Variants in VPS13B observed in about 807,000 individuals in gnomAD.
VPS13B encodes the protein intermembrane lipid transfer protein VPS13B.
Under a neutral mutation model 426.4 loss-of-function variants are expected in VPS13B, and 285 were observed. That is an observed-to-expected ratio of 0.67 (90% CI 0.61 to 0.74). The LOEUF is 0.74. Ranked by LOEUF, VPS13B falls within the 30% of genes least tolerant of loss-of-function variation. VPS13B has a pLI of 0.00. For synonymous variants in VPS13B, 1,676 were observed against 1,676.4 expected (o/e 1.00, Z 0.01); for missense variants, 4,537 against 4,782.6 (o/e 0.95, Z 1.51).
At chr8:99,561,050 A>T (rs1484030554) in intron 31 of VPS13B, among the ~76,000 whole-genome samples, 1 of 152,220 alleles carries the variant, frequency 6.6e-6, no homozygotes, top group East Asian at 1.9e-4. Context: ...ACATAACATA[A>T]AATTAACCAT....
chr8:99,861,730 T>A, intron 57 of VPS13B, 46 bp from the exon 58 acceptor site: 2 of 1,563,278 alleles, frequency 1.3e-6, no homozygotes, highest in Non-Finnish European at 1.7e-6. Flanking sequence ...TTGGGGTCCA[T>A]CATGTATGCG....
rs1205695237 is a variant in VPS13B, at chr8:99,821,405, G to T, written c.9106G>T (p.Gly3036Cys). ...TCCAAAGTGGAAAGATGGAGGTAAT[G>T]GTGAAGTTGTGACACTGGATGAAGA... ...TSPKWKDGGN[G>C]EVVTLDEEAF... is the part of the protein sequence containing the mutation. Residue 3036 changes from glycine (G) to cysteine (C), a missense_variant, in exon 50 of 62, where the codon GGT (glycine) becomes TGT (cysteine). Around this residue, in one of 2 missense-constraint regions of VPS13B, gnomAD observed 4,311 missense variants for 4,474.3 expected, o/e 0.96. Coordinates refer to ENST00000357162, the MANE Select transcript of VPS13B (RefSeq NM_152564.5). 1.2e-6 allele frequency: 2 copies of T among 1,613,860 alleles called. No homozygotes were observed. The highest frequency in any genetic ancestry group is 3.3e-5 in the Admixed American group (2 of 60,010).
intron 3 of VPS13B, among the ~76,000 whole-genome samples, chr8:99,088,145 C>T (rs889965550): frequency 2.1e-5 from 3 of 145,478 alleles, no homozygotes; most frequent in Non-Finnish European, 3.0e-5. Flanking sequence ...GATTGCGCCA[C>T]TGTACTCCAG....
At chr8:99,049,724 G>A (rs1046942859) in intron 3 of VPS13B, among the ~76,000 whole-genome samples, 12 of 152,052 alleles carry the variant, frequency 7.9e-5, no homozygotes, top group African/African-American at 2.7e-4. Flanking sequence ...TTTCTAGCCA[G>A]GCTGGGCAAG....
At chr8:99,129,236 A>C (rs868745819) in intron 8 of VPS13B, among the ~76,000 whole-genome samples, 22 of 152,020 alleles carry the variant, frequency 1.4e-4, no homozygotes, top group South Asian at 4.1e-4. Context: ...CATTGATTAA[A>C]GGGATAAGGA....
At chr8:99,263,119 CAA>C (rs1027321070) in intron 17 of VPS13B, among the ~76,000 whole-genome samples, 3 of 152,104 alleles carry the variant, frequency 2.0e-5, no homozygotes, top group Non-Finnish European at 2.9e-5. Flanking sequence ...AGGCTTGTAA[CAA>C]AAAGAGCAGT....
intron 51 of VPS13B, among the ~76,000 whole-genome samples, chr8:99,829,850 G>T (rs963530083): frequency 6.6e-6 from 1 of 152,176 alleles, no homozygotes; most frequent in African/African-American, 2.4e-5. Flanking sequence ...CTAACAATCA[G>T]GCCCCTCTTC....
At chr8:99,553,728 G>A (rs916156733) in intron 30 of VPS13B, among the ~76,000 whole-genome samples, 11 of 151,950 alleles carry the variant, frequency 7.2e-5, no homozygotes, top group African/African-American at 2.7e-4. Context: ...GGAAGGTTTT[G>A]CAATTAACTT....
intron 33 of VPS13B, among the ~76,000 whole-genome samples, chr8:99,598,011 C>T (rs1219002282): frequency 6.6e-6 from 1 of 152,032 alleles, no homozygotes; most frequent in East Asian, 1.9e-4. Flanking sequence ...ACAACATATA[C>T]TTCAAAAGAA....
rs542757501 is a variant in VPS13B, at chr8:99,817,804, G to A, written c.8361+1G>A. 6.2e-7 allele frequency: 1 copy of A among 1,613,998 alleles called. No individual in the cohort carries two copies. Among genetic ancestry groups the A allele is most frequent in the East Asian group, 2.2e-5 (1 of 44,836 alleles). On this transcript the variant is annotated splice_donor_variant, in intron 45 of 61. Transcript: ENST00000357162. LOFTEE classifies it high-confidence loss of function. ...CCCTGAGTACAGCATTGTCATTCAG[G>A]TTTGAAAAGACGTTCAATCTAGAAT...
At chr8:99,121,593 G>T in intron 8 of VPS13B, 148 bp downstream of exon 8, 1 of 1,447,166 alleles carries the variant, frequency 6.9e-7, no homozygotes, top group African/African-American at 1.4e-5. Flanking sequence ...AAAATTACAT[G>T]GCTCCTCCAC....
At chr8:99,161,019 G>C (rs1217452239) in intron 15 of VPS13B, among the ~76,000 whole-genome samples, 1 of 152,054 alleles carries the variant, frequency 6.6e-6, no homozygotes, top group Non-Finnish European at 1.5e-5. Context: ...GACTCATTGG[G>C]GCCATTATTT....
chr8:99,265,923 T>C (rs1250146780), intron 17 of VPS13B, among the ~76,000 whole-genome samples: 1 of 152,210 alleles, frequency 6.6e-6, no homozygotes, highest in Non-Finnish European at 1.5e-5. Flanking sequence ...TATTTGGCTC[T>C]TGTCTTTTTA....
chr8:99,849,135 A>G (rs1816130106), intron 55 of VPS13B, among the ~76,000 whole-genome samples: 2 of 152,222 alleles, frequency 1.3e-5, no homozygotes, highest in African/African-American at 4.8e-5. Flanking sequence ...TGATTTACAA[A>G]CTATGCATCT....
intron 29 of VPS13B, among the ~76,000 whole-genome samples, chr8:99,513,419 A>C (rs759352330): frequency 3.2e-4 from 49 of 152,296 alleles, no homozygotes; most frequent in Non-Finnish European, 4.1e-4. Flanking sequence ...TGAGGTATAG[A>C]AAAATACAGG....
intron 20 of VPS13B, among the ~76,000 whole-genome samples, chr8:99,385,421 T>C (rs1289005782): frequency 1.3e-5 from 2 of 152,230 alleles, no homozygotes; most frequent in African/African-American, 4.8e-5. Context: ...TTTATAATTA[T>C]GTAAGAATTA....
At chr8:99,573,925 T>C (rs1470042830) in intron 31 of VPS13B, among the ~76,000 whole-genome samples, 2 of 152,178 alleles carry the variant, frequency 1.3e-5, no homozygotes, top group Non-Finnish European at 1.5e-5. Context: ...ATTCTTCCTA[T>C]CCATGAGCAT....
intron 33 of VPS13B, among the ~76,000 whole-genome samples, chr8:99,599,508 GC>G (rs1827184760): frequency 6.6e-6 from 1 of 152,056 alleles, no homozygotes; most frequent in African/African-American, 2.4e-5. Context: ...AAATGAGCAG[GC>G]TGTTCAAAAT....
At chr8:99,582,086 T>C (rs1421648246) in intron 33 of VPS13B, among the ~76,000 whole-genome samples, 1 of 152,226 alleles carries the variant, frequency 6.6e-6, no homozygotes, top group East Asian at 1.9e-4. Flanking sequence ...TCAGCCTTGA[T>C]TTCTTAACCA....
Sources: allele counts gnomAD v4.1 joint callset (sites outside exome capture counted in the v4.1 genomes callset), GRCh38; gene constraint gnomAD v4.1.1; regional missense constraint gnomAD v4.1.1; transcripts MANE v1.5; gene names NCBI Gene and HGNC (gene_info 2026-07-23, HGNC 2026-07-21).